Variants in FAR2 observed in about 807,000 individuals in gnomAD.
FAR2 encodes the protein epididymis secretory protein Li 81.
Under a neutral mutation model 56.0 loss-of-function variants are expected in FAR2, and 19 were observed. That is an observed-to-expected ratio of 0.34 (90% CI 0.24 to 0.50). FAR2 has a LOEUF of 0.50. Ranked by LOEUF, FAR2 falls within the 20% of genes least tolerant of loss-of-function variation. The pLI is 0.98. For missense variants in FAR2, 508 were observed against 642.2 expected (o/e 0.79, Z 2.26); for synonymous variants, 219 against 218.8 (o/e 1.00, Z -0.01).
rs758947534 is a variant in FAR2, at chr12:29,311,897, T to C, written c.902T>C (p.Leu301Ser). 6 of 1,609,532 alleles carry C rather than the reference T, an allele frequency of 3.7e-6. No individual in the cohort carries two copies. The South Asian group carries it at 6.6e-5, about 18-fold the overall frequency. The stretch of plus-strand genomic sequence containing the variant: ...TCATTTTCCAGACCTAAGTCAACAT[T>C]AGTCTACCACATTACATCTGGTAAC... ...YTAVHRPKST[L>S]VYHITSGNMN... The change falls in exon 8 of 12, where the codon TTA (leucine) becomes TCA (serine). Residue 301 changes from leucine to serine, a missense_variant. Coordinates refer to ENST00000536681, the MANE Select transcript of FAR2 (RefSeq NM_001271783.2).
intron 2 of FAR2, among the ~76,000 whole-genome samples, chr12:29,286,063 A>G (rs1948869973): frequency 7.5e-5 from 1 of 13,382 alleles, no homozygotes; most frequent in Non-Finnish European, 1.6e-4. Flanking sequence ...ACACACACAC[A>G]GACACACACA....
chr12:29,199,116 G>A (rs574002721), intron 1 of FAR2, among the ~76,000 whole-genome samples: 3 of 152,268 alleles, frequency 2.0e-5, no homozygotes, highest in East Asian at 1.9e-4. Context: ...AAGGTAATAG[G>A]TATGACTCAA....
chr12:29,156,055 G>A (rs1414614989), intron 1 of FAR2, among the ~76,000 whole-genome samples: 1 of 152,152 alleles, frequency 6.6e-6, no homozygotes, highest in Non-Finnish European at 1.5e-5. Context: ...AGAGAAGAAT[G>A]GTGGTTACTA....
intron 3 of FAR2, among the ~76,000 whole-genome samples, chr12:29,294,083 G>A (rs750331668): frequency 2.6e-5 from 4 of 152,042 alleles, no homozygotes; most frequent in Non-Finnish European, 5.9e-5. Context: ...CACTTACACT[G>A]TCTCTGTGCA....
intron 1 of FAR2, among the ~76,000 whole-genome samples, chr12:29,216,897 G>T (rs1947627868): frequency 6.6e-6 from 1 of 152,210 alleles, no homozygotes; most frequent in African/African-American, 2.4e-5. Flanking sequence ...AATGGTAGAT[G>T]TGTGCTCAGA....
At chr12:29,263,949 C>A (rs1948468394) in intron 1 of FAR2, among the ~76,000 whole-genome samples, 1 of 152,022 alleles carries the variant, frequency 6.6e-6, no homozygotes, top group African/African-American at 2.4e-5. Flanking sequence ...TACTTCCAAA[C>A]TCATTTTATA....
At chr12:29,238,138 G>C (rs941321396) in intron 1 of FAR2, among the ~76,000 whole-genome samples, 1 of 152,044 alleles carries the variant, frequency 6.6e-6, no homozygotes, top group Non-Finnish European at 1.5e-5. Context: ...ATTATCAAAG[G>C]AGAATATCCA....
At chr12:29,289,279 C>T (rs1948922922) in intron 2 of FAR2, among the ~76,000 whole-genome samples, 1 of 152,238 alleles carries the variant, frequency 6.6e-6, no homozygotes, top group South Asian at 2.1e-4. Context: ...AATCACATTA[C>T]TTGACTTCAA....
intron 1 of FAR2, among the ~76,000 whole-genome samples, chr12:29,240,834 C>T (rs904592489): frequency 4.0e-5 from 6 of 151,866 alleles, no homozygotes; most frequent in African/African-American, 1.5e-4. Context: ...GAGACTGAGT[C>T]TCATTCCATC....
At chr12:29,228,817 A>T (rs990944613) in intron 1 of FAR2, among the ~76,000 whole-genome samples, 1 of 152,162 alleles carries the variant, frequency 6.6e-6, no homozygotes. Flanking sequence ...CAAACTCCTG[A>T]CCTCAAGTGA....
chr12:29,161,295 G>A (rs1949779735), intron 1 of FAR2, among the ~76,000 whole-genome samples: 2 of 152,182 alleles, frequency 1.3e-5, no homozygotes, highest in Admixed American at 6.5e-5. Flanking sequence ...AGTACCTAGT[G>A]CCTCCCAGAT....
At chr12:29,181,201 G>A (rs982986402) in intron 1 of FAR2, among the ~76,000 whole-genome samples, 4 of 151,888 alleles carry the variant, frequency 2.6e-5, no homozygotes, top group East Asian at 1.9e-4. Flanking sequence ...TTTTCCTGAC[G>A]TTCACCCGTA....
chr12:29,150,644 A>C (rs1014439219), intron 1 of FAR2, among the ~76,000 whole-genome samples: 2 of 152,216 alleles, frequency 1.3e-5, no homozygotes, highest in African/African-American at 4.8e-5. Flanking sequence ...AAGAGCAGGC[A>C]TTTCCGCAGA....
At chr12:29,224,621 T>G (rs7972040) in intron 1 of FAR2, among the ~76,000 whole-genome samples, 60,346 of 151,648 alleles carry the variant, frequency 0.4, 13,699 homozygotes, top group Admixed American at 0.54. Context: ...AGGCCGATGG[T>G]TCTATTCTGC....
intron 1 of FAR2, among the ~76,000 whole-genome samples, chr12:29,208,867 A>G (rs1461871128): frequency 6.6e-6 from 1 of 152,192 alleles, no homozygotes; most frequent in African/African-American, 2.4e-5. Flanking sequence ...AGTGCGGGGA[A>G]AATGAGCAAA....
intron 8 of FAR2, among the ~76,000 whole-genome samples, chr12:29,314,251 C>T (rs1481118407): frequency 1.3e-5 from 2 of 152,102 alleles, no homozygotes; most frequent in Admixed American, 1.3e-4. Context: ...CAAATCTTAG[C>T]TCATTCATTC....
intron 4 of FAR2, chr12:29,302,062 C>G (rs12306534): frequency 1.3e-5 from 2 of 152,084 alleles, no homozygotes; most frequent in African/African-American, 2.4e-5. Flanking sequence ...AACCCCGTCT[C>G]TACTAAAAAT....
At chr12:29,159,351 A>T (rs1009233047) in intron 1 of FAR2, among the ~76,000 whole-genome samples, 12 of 152,070 alleles carry the variant, frequency 7.9e-5, no homozygotes, top group African/African-American at 2.9e-4. Flanking sequence ...ATCCAGGCTA[A>T]CATGGTGAAA....
At chr12:29,188,819 G>A (rs1340046732) in intron 1 of FAR2, among the ~76,000 whole-genome samples, 1 of 151,282 alleles carries the variant, frequency 6.6e-6, no homozygotes, top group Non-Finnish European at 1.5e-5. Context: ...GAAGAGTCTG[G>A]TCAGGTACCC....
Sources: allele counts gnomAD v4.1 joint callset (sites outside exome capture counted in the v4.1 genomes callset), GRCh38; gene constraint gnomAD v4.1.1; transcripts MANE v1.5; gene names NCBI Gene and HGNC (gene_info 2026-07-23, HGNC 2026-07-21).